GLDC: variants seen among roughly 807,000 people sequenced by gnomAD.
GLDC encodes glycine dehydrogenase (decarboxylating), mitochondrial.
A neutral mutation model predicts 121.3 loss-of-function variants in GLDC; 104 were observed. The ratio of observed to expected loss-of-function variants is 0.86; its 90% confidence interval spans 0.73 to 1.01. The LOEUF is 1.01. GLDC is among the 50% of genes least tolerant of loss of function. The probability of loss-of-function intolerance (pLI) is 0.00; values close to 1 mark genes in which losing one functional copy is unlikely to be tolerated. For synonymous variants in GLDC, 546 were observed against 480.6 expected (o/e 1.14, Z -1.78); for missense variants, 1,429 against 1,306.6 (o/e 1.09, Z -1.44).
intron 2 of GLDC, 133 bp from the exon 3 acceptor site, chr9:6,620,452 C>A: frequency 1.3e-6 from 1 of 767,202 alleles, no homozygotes; most frequent in Non-Finnish European, 2.3e-6. Flanking sequence ...GTCATCCATC[C>A]AACCAACACT....
intron 21 of GLDC, chr9:6,541,656 C>A (rs59699173): frequency 0.25 from 37,213 of 150,496 alleles, 5,027 homozygotes; most frequent in Admixed American, 0.3. Flanking sequence ...AACCCTGTCT[C>A]TACGAAAAAA....
chr9:6,639,339 C>A, intron 2 of GLDC: 1 of 937,468 alleles, frequency 1.1e-6, no homozygotes, highest in East Asian at 2.4e-5. Flanking sequence ...AGAGCGCCCC[C>A]AGGAGAAACA....
At chr9:6,537,321 T>A (rs968376624) in intron 22 of GLDC, among the ~76,000 whole-genome samples, 7 of 152,302 alleles carry the variant, frequency 4.6e-5, no homozygotes, top group Middle Eastern at 3.4e-3. Context: ...ACCAGGCCTA[T>A]GAAACTTTTA....
At chr9:6,620,160 T>TTCCTGAACAGAGAA (rs1250474530) in intron 3 of GLDC, 24 bp downstream of exon 3, 1 of 1,610,018 alleles carries the variant, frequency 6.2e-7, no homozygotes, top group South Asian at 1.1e-5. Flanking sequence ...AGTCATCCTG[T>TTCCTGAACAGAGAA]TCCTGAACTG....
chr9:6,556,421 G>A, intron 17 of GLDC, 119 bp from the exon 18 acceptor site: 2 of 830,702 alleles, frequency 2.4e-6, no homozygotes, highest in Non-Finnish European at 4.1e-6. Context: ...TTACTTTCCT[G>A]GAACTGTCTC....
chr9:6,613,681 A>G (rs1385925243), intron 3 of GLDC, among the ~76,000 whole-genome samples: 1 of 152,238 alleles, frequency 6.6e-6, no homozygotes, highest in East Asian at 1.9e-4. Context: ...TTGATTTCAA[A>G]TATTAGAAAT....
intron 2 of GLDC, among the ~76,000 whole-genome samples, chr9:6,641,609 G>A (rs1819630956): frequency 1.3e-5 from 2 of 152,176 alleles, no homozygotes; most frequent in Non-Finnish European, 2.9e-5. Context: ...GAATATCACG[G>A]TTTCTTCATT....
At position 6,605,181 on chromosome 9, in the gene GLDC, C is replaced by G; in HGVS notation, c.811G>C (p.Gly271Arg). 1 of 1,613,696 alleles carries G rather than the reference C, an allele frequency of 6.2e-7. No individual in the cohort carries two copies. Among genetic ancestry groups the G allele is most frequent in the Non-Finnish European group, 8.5e-7 (1 of 1,179,868 alleles). The part of the protein sequence containing the change: ...GVLFQYPDTE[G>R]KVEDFTELVE... ...AGTTCCGTAAAGTCTTCCACCTTCC[C>G]CTCCGTGTCTGGGTACTGGAACAAC... The change falls in exon 6 of 25, where the codon GGG (glycine) becomes CGG (arginine). Residue 271 changes from glycine to arginine, a missense_variant. Physicochemically the swap from Gly to Arg is moderately radical, Grantham distance 125 (BLOSUM62 -2). Coordinates refer to ENST00000321612, the MANE Select transcript of GLDC (RefSeq NM_000170.3).
intron 3 of GLDC, among the ~76,000 whole-genome samples, chr9:6,617,476 G>A (rs184298178): frequency 6.6e-6 from 1 of 152,148 alleles, no homozygotes; most frequent in East Asian, 1.9e-4. Flanking sequence ...CTTTTCTTAA[G>A]GGGGAAGAGA....
At chr9:6,534,028 C>T (rs1817061152) in intron 24 of GLDC, 2 of 152,076 alleles carry the variant, frequency 1.3e-5, no homozygotes, top group Non-Finnish European at 2.9e-5. Flanking sequence ...CTGGCTAACA[C>T]AGTGAAACCC....
intron 15 of GLDC, among the ~76,000 whole-genome samples, chr9:6,583,051 A>G (rs1818202546): frequency 6.6e-6 from 1 of 152,206 alleles, no homozygotes; most frequent in Admixed American, 6.5e-5. Flanking sequence ...TTACTTGAGG[A>G]AACAGAAAAT....
intron 8 of GLDC, among the ~76,000 whole-genome samples, chr9:6,601,815 G>C (rs911716746): frequency 6.6e-6 from 1 of 152,226 alleles, no homozygotes; most frequent in Middle Eastern, 3.4e-3. Context: ...ATTTTTCATA[G>C]AGATGGTGTT....
intron 4 of GLDC, among the ~76,000 whole-genome samples, chr9:6,609,878 G>T (rs995098893): frequency 1.3e-5 from 2 of 151,998 alleles, no homozygotes; most frequent in Admixed American, 6.6e-5. Context: ...CCTGGCACCG[G>T]CTCCCTGTCC....
intron 15 of GLDC, among the ~76,000 whole-genome samples, chr9:6,585,679 AG>A (rs1307686054): frequency 6.6e-5 from 10 of 152,320 alleles, no homozygotes; most frequent in African/African-American, 2.2e-4. Flanking sequence ...CAGCTCCCAG[AG>A]GGGTCAACTC....
At chr9:6,644,055 A>G (rs1402746830) in intron 2 of GLDC, among the ~76,000 whole-genome samples, 8 of 150,434 alleles carry the variant, frequency 5.3e-5, no homozygotes, top group Admixed American at 5.3e-4. Context: ...AAAAAACGAA[A>G]AAAAAAAGAA....
At chr9:6,535,390 G>C (rs1019560102) in intron 23 of GLDC, among the ~76,000 whole-genome samples, 1 of 151,244 alleles carries the variant, frequency 6.6e-6, no homozygotes, top group Non-Finnish European at 1.5e-5. Flanking sequence ...CTCACCTCTA[G>C]AGAGGTGCCT....
At chr9:6,582,970 A>G (rs1818201006) in intron 15 of GLDC, among the ~76,000 whole-genome samples, 1 of 152,212 alleles carries the variant, frequency 6.6e-6, no homozygotes, top group African/African-American at 2.4e-5. Context: ...GATGCTCAAC[A>G]TTGCTAATCA....
At chr9:6,601,951 A>G (rs184463618) in intron 8 of GLDC, among the ~76,000 whole-genome samples, 158 bp downstream of exon 8, 1 of 152,086 alleles carries the variant, frequency 6.6e-6, no homozygotes. Flanking sequence ...TTTGGTTCTC[A>G]TAAGACAATG....
intron 8 of GLDC, among the ~76,000 whole-genome samples, chr9:6,601,363 C>T (rs1197782097): frequency 6.6e-6 from 1 of 152,112 alleles, no homozygotes; most frequent in African/African-American, 2.4e-5. Context: ...GGCCCAACGC[C>T]AAGAATACTA....
Sources: gnomAD v4.1 joint callset for allele counts (sites outside exome capture counted in the v4.1 genomes callset) on GRCh38, gnomAD v4.1.1 for gene constraint, MANE v1.5 for transcripts, NCBI Gene and HGNC (gene_info 2026-07-23, HGNC 2026-07-21) for gene names.